NRG1: variants seen among roughly 807,000 people sequenced by gnomAD.
NRG1 encodes pro-neuregulin-1, membrane-bound isoform.
NRG1 carries 18 observed loss-of-function variants against 63.8 expected under a neutral mutation model. The observed-to-expected ratio is 0.28, with a 90% confidence interval of 0.19 to 0.42. NRG1 has a LOEUF of 0.42. Among genes scored for constraint, NRG1 ranks in the 10% least tolerant of loss-of-function variants. The pLI is 1.00. For synonymous variants in NRG1, 302 were observed against 301.3 expected, an observed-to-expected ratio of 1.00 and a Z score of -0.02; for missense variants, 762 against 814.7, an observed-to-expected ratio of 0.94 and a Z score of 0.79.
At chr8:32,014,929 T>A (rs944074637) in intron 1 of NRG1, among the ~76,000 whole-genome samples, 1 of 151,842 alleles carries the variant, frequency 6.6e-6, no homozygotes, top group Non-Finnish European at 1.5e-5. Flanking sequence ...GTGATCCAGC[T>A]ACAAGCCAAG....
chr8:31,740,655 G>A (rs968065991), intron 1 of NRG1, among the ~76,000 whole-genome samples: 7 of 151,350 alleles, frequency 4.6e-5, no homozygotes, highest in African/African-American at 1.7e-4. Context: ...GTGTGTGTAT[G>A]TACCTGTGTG....
intron 5 of NRG1, among the ~76,000 whole-genome samples, chr8:32,660,687 A>G (rs1032413631): frequency 2.0e-5 from 3 of 152,186 alleles, no homozygotes; most frequent in African/African-American, 7.2e-5. Flanking sequence ...CATGCACACT[A>G]TGAACTATCT....
chr8:32,053,533 C>A (rs1822333061), intron 1 of NRG1, among the ~76,000 whole-genome samples: 1 of 152,122 alleles, frequency 6.6e-6, no homozygotes, highest in African/African-American at 2.4e-5. Context: ...GGGGATCAAA[C>A]CTCTTTTCAT....
At chr8:32,563,720 C>G (rs1469553075) in intron 1 of NRG1, among the ~76,000 whole-genome samples, 1 of 152,118 alleles carries the variant, frequency 6.6e-6, no homozygotes, top group Non-Finnish European at 1.5e-5. Flanking sequence ...TTTTATTCTT[C>G]TCCATCCTTA....
At chr8:32,541,605 T>C (rs1005218347) in intron 1 of NRG1, among the ~76,000 whole-genome samples, 2 of 151,946 alleles carry the variant, frequency 1.3e-5, no homozygotes, top group Non-Finnish European at 2.9e-5. Context: ...TATTTTAACA[T>C]CATTATAAAT....
chr8:32,424,639 G>A (rs1370880963), intron 1 of NRG1, among the ~76,000 whole-genome samples: 1 of 152,128 alleles, frequency 6.6e-6, no homozygotes, highest in Admixed American at 6.5e-5. Flanking sequence ...GGGAGGCCAA[G>A]GCAGGTGAAT....
intron 1 of NRG1, among the ~76,000 whole-genome samples, chr8:32,280,691 GT>G (rs1174950316): frequency 0.11 from 6,559 of 57,668 alleles, 261 homozygotes; most frequent in Middle Eastern, 0.19. Context: ...TTTTTTTTTT[GT>G]TTTTTTTTTT....
intron 5 of NRG1, among the ~76,000 whole-genome samples, chr8:32,693,332 C>T (rs1254589748): frequency 6.6e-6 from 1 of 151,786 alleles, no homozygotes; most frequent in African/African-American, 2.4e-5. Context: ...CATTCTCCTG[C>T]GTCAGCCTCC....
intron 5 of NRG1, among the ~76,000 whole-genome samples, chr8:32,679,737 A>C (rs1808107706): frequency 6.6e-6 from 1 of 152,212 alleles, no homozygotes; most frequent in Admixed American, 6.5e-5. Context: ...CTAAATTGCA[A>C]GTCCAATCTA....
At chr8:31,649,872 C>T (rs971587204) in intron 1 of NRG1, among the ~76,000 whole-genome samples, 1 of 152,152 alleles carries the variant, frequency 6.6e-6, no homozygotes, top group African/African-American at 2.4e-5. Context: ...TTAATGTATT[C>T]ATTAATTGCC....
intron 1 of NRG1, among the ~76,000 whole-genome samples, chr8:32,373,247 TA>T: frequency 6.6e-6 from 1 of 152,214 alleles, no homozygotes; most frequent in Non-Finnish European, 1.5e-5. Context: ...AACAAAACAT[TA>T]AAATACACCC....
chr8:32,708,136 TATG>T (rs758561478), intron 5 of NRG1, among the ~76,000 whole-genome samples: 58 of 152,156 alleles, frequency 3.8e-4, no homozygotes, highest in Non-Finnish European at 7.6e-4. Flanking sequence ...TATATTATCT[TATG>T]ATGATCTACA....
chr8:32,737,029 T>C (rs531020922), intron 6 of NRG1, among the ~76,000 whole-genome samples: 9 of 152,310 alleles, frequency 5.9e-5, no homozygotes, highest in African/African-American at 2.2e-4. Flanking sequence ...TTGAAGTTAT[T>C]ATTAACCACA....
intron 1 of NRG1, among the ~76,000 whole-genome samples, chr8:31,799,433 T>A (rs940603918): frequency 4.6e-5 from 7 of 152,088 alleles, no homozygotes; most frequent in African/African-American, 1.7e-4. Context: ...TAAATTCTCA[T>A]AATGAAAAAA....
intron 1 of NRG1, among the ~76,000 whole-genome samples, chr8:31,684,785 T>G (rs1808711203): frequency 6.6e-6 from 1 of 152,126 alleles, no homozygotes; most frequent in Admixed American, 6.6e-5. Flanking sequence ...ATTTTAAAGT[T>G]TGTTAGAAAA....
At chr8:32,531,224 G>T (rs1831424070) in intron 1 of NRG1, among the ~76,000 whole-genome samples, 2 of 152,056 alleles carry the variant, frequency 1.3e-5, no homozygotes, top group South Asian at 4.1e-4. Flanking sequence ...AAAATACCAT[G>T]CAATTCTAAT....
At chr8:31,873,473 C>G (rs956542941) in intron 1 of NRG1, among the ~76,000 whole-genome samples, 2 of 152,092 alleles carry the variant, frequency 1.3e-5, no homozygotes, top group Non-Finnish European at 2.9e-5. Flanking sequence ...GCAGGAGAAT[C>G]GCTTGAACCT....
At chr8:31,946,955 C>T (rs1348441383) in intron 1 of NRG1, among the ~76,000 whole-genome samples, 5 of 152,202 alleles carry the variant, frequency 3.3e-5, no homozygotes, top group African/African-American at 9.6e-5. Flanking sequence ...CTAACTCATA[C>T]TTCTGTGATT....
At chr8:31,736,850 TAC>T (rs1268055474) in intron 1 of NRG1, among the ~76,000 whole-genome samples, 1 of 152,174 alleles carries the variant, frequency 6.6e-6, no homozygotes, top group East Asian at 1.9e-4. Flanking sequence ...TGTATGTACG[TAC>T]ACACACATGC....
Sources: gnomAD v4.1 joint callset for allele counts (sites outside exome capture counted in the v4.1 genomes callset) on GRCh38, gnomAD v4.1.1 for gene constraint, MANE v1.5 for transcripts, NCBI Gene and HGNC (gene_info 2026-07-23, HGNC 2026-07-21) for gene names.